CNTN1: variants seen among roughly 807,000 people sequenced by gnomAD.
CNTN1 encodes contactin-1.
CNTN1 carries 38 observed loss-of-function variants against 126.4 expected under a neutral mutation model. The ratio of observed to expected loss-of-function variants is 0.30; its 90% CI spans 0.23 to 0.39. The LOEUF is 0.39. Among genes scored for constraint, CNTN1 ranks in the 10% least tolerant of loss-of-function variants. The probability of loss-of-function intolerance (pLI) is 1.00; values close to 1 mark genes in which losing one functional copy is unlikely to be tolerated. For missense variants in CNTN1, 1,009 were observed against 1,248.4 expected (o/e 0.81, Z 2.89); for synonymous variants, 413 against 422.6 (o/e 0.98, Z 0.28).
chr12:40,874,060 C>T (rs1943591323), intron 1 of CNTN1, among the ~76,000 whole-genome samples: 1 of 152,082 alleles, frequency 6.6e-6, no homozygotes, highest in Non-Finnish European at 1.5e-5. Flanking sequence ...TAAATGCCTA[C>T]CATGTTCTAG....
intron 1 of CNTN1, among the ~76,000 whole-genome samples, chr12:40,880,672 G>T (rs548373604): frequency 1.3e-5 from 2 of 152,128 alleles, no homozygotes; most frequent in East Asian, 3.9e-4. Context: ...CCCAGCTAAA[G>T]CTGACCAAGA....
intron 1 of CNTN1, among the ~76,000 whole-genome samples, chr12:40,908,090 A>G (rs1944897858): frequency 1.3e-5 from 2 of 152,238 alleles, no homozygotes; most frequent in South Asian, 4.1e-4. Flanking sequence ...TCATGATTGC[A>G]TTGTGTCAAT....
At chr12:40,699,051 C>A (rs1241493340) in intron 1 of CNTN1, among the ~76,000 whole-genome samples, 1 of 134,898 alleles carries the variant, frequency 7.4e-6, no homozygotes, top group African/African-American at 2.8e-5. Flanking sequence ...GAGGACTTCC[C>A]CTGAATTCCC....
intron 1 of CNTN1, among the ~76,000 whole-genome samples, chr12:40,856,812 C>T (rs1468499882): frequency 6.6e-6 from 1 of 151,968 alleles, no homozygotes; most frequent in Non-Finnish European, 1.5e-5. Flanking sequence ...GTAATCCATA[C>T]ACAAAAATAA....
At chr12:40,904,537 T>G (rs1457964922) in intron 1 of CNTN1, among the ~76,000 whole-genome samples, 3 of 152,080 alleles carry the variant, frequency 2.0e-5, no homozygotes, top group Admixed American at 6.5e-5. Context: ...CAAGCAATTC[T>G]CCTGCTTCAG....
At chr12:40,783,429 T>A (rs1412149173) in intron 1 of CNTN1, among the ~76,000 whole-genome samples, 1 of 152,072 alleles carries the variant, frequency 6.6e-6, no homozygotes, top group Non-Finnish European at 1.5e-5. Context: ...TTTGAATTTG[T>A]TTTTTGTTAG....
intron 1 of CNTN1, among the ~76,000 whole-genome samples, chr12:40,693,538 C>T (rs1188494124): frequency 6.6e-6 from 1 of 152,240 alleles, no homozygotes; most frequent in African/African-American, 2.4e-5. Context: ...GGACTGATGA[C>T]ACCCTGCTTT....
Position 40,704,371 on chromosome 12 carries a change from A to T in CNTN1, c.-77+11779A>T, listed in dbSNP as rs890801206. Among the ~76,000 whole-genome samples the T allele has an allele frequency of 2.0e-5, 3 of 152,290 alleles. No homozygotes were observed. In the South Asian group the frequency reaches 6.2e-4, roughly 32 times the overall value. ...ACTCTCCAAATTATCTTTTAATAAG[A>T]TCTAGTAGTAATTTTATTATTGACT... On this transcript the variant is annotated intron_variant, in intron 1 of 23. Coordinates refer to ENST00000551295, the MANE Select transcript of CNTN1 (RefSeq NM_001843.4).
chr12:41,030,077 A>T (rs1049513888), intron 23 of CNTN1, among the ~76,000 whole-genome samples: 1 of 152,082 alleles, frequency 6.6e-6, no homozygotes, highest in African/African-American at 2.4e-5. Flanking sequence ...TAAATAATTT[A>T]TAAGAAAATT....
chr12:40,732,354 G>A (rs555540640), intron 1 of CNTN1, among the ~76,000 whole-genome samples: 34 of 151,754 alleles, frequency 2.2e-4, no homozygotes, highest in African/African-American at 7.5e-4. Flanking sequence ...GAACATTCCC[G>A]CATAAAAGTT....
chr12:41,005,396 G>A (rs1265123411), intron 17 of CNTN1, among the ~76,000 whole-genome samples: 3 of 151,972 alleles, frequency 2.0e-5, no homozygotes, highest in Non-Finnish European at 4.4e-5. Context: ...AAAATATGAT[G>A]ATTATGTGTC....
At chr12:40,899,751 T>C (rs1313137383) in intron 1 of CNTN1, among the ~76,000 whole-genome samples, 1 of 152,104 alleles carries the variant, frequency 6.6e-6, no homozygotes, top group East Asian at 1.9e-4. Flanking sequence ...ATATTAAGAC[T>C]ATTCTTCAAG....
intron 16 of CNTN1, among the ~76,000 whole-genome samples, chr12:40,983,006 G>T (rs1398618501): frequency 6.6e-6 from 1 of 151,368 alleles, no homozygotes; most frequent in African/African-American, 2.4e-5. Context: ...TGAGTTAATG[G>T]GTGCAGTAAA....
intron 7 of CNTN1, among the ~76,000 whole-genome samples, chr12:40,931,475 C>T (rs921129503): frequency 6.6e-6 from 1 of 152,002 alleles, no homozygotes; most frequent in Non-Finnish European, 1.5e-5. Flanking sequence ...TTCAAGTTCA[C>T]ATCTCCGAAA....
At chr12:41,018,209 A>T (rs1240129775) in intron 19 of CNTN1, among the ~76,000 whole-genome samples, 1 of 152,194 alleles carries the variant, frequency 6.6e-6, no homozygotes, top group Non-Finnish European at 1.5e-5. Flanking sequence ...GGCAATGTAC[A>T]TTTACCCTTG....
chr12:41,012,845 C>T (rs140557140), intron 17 of CNTN1, among the ~76,000 whole-genome samples: 1,703 of 152,218 alleles, frequency 0.011, 18 homozygotes, highest in Admixed American at 0.019. Context: ...TAATGTTGTA[C>T]GCTGGTATCA....
chr12:40,949,397 A>G (rs902870509), intron 14 of CNTN1, among the ~76,000 whole-genome samples: 7 of 149,230 alleles, frequency 4.7e-5, no homozygotes, highest in African/African-American at 1.5e-4. Context: ...AGCATTAGGT[A>G]TATCTCCCGA....
At chr12:40,817,123 G>C (rs1032381407) in intron 1 of CNTN1, among the ~76,000 whole-genome samples, 2 of 152,212 alleles carry the variant, frequency 1.3e-5, no homozygotes, top group African/African-American at 4.8e-5. Flanking sequence ...TGTATATTCT[G>C]TTGATTTGGA....
At chr12:40,868,794 C>T (rs1207663621) in intron 1 of CNTN1, among the ~76,000 whole-genome samples, 3 of 152,028 alleles carry the variant, frequency 2.0e-5, no homozygotes, top group Non-Finnish European at 2.9e-5. Context: ...TGGATTGAGA[C>T]CAACTGTGTT....
Sources: allele counts gnomAD v4.1 joint callset (sites outside exome capture counted in the v4.1 genomes callset), GRCh38; gene constraint gnomAD v4.1.1; transcripts MANE v1.5; gene names NCBI Gene and HGNC (gene_info 2026-07-23, HGNC 2026-07-21).